GAP43: variants seen among roughly 807,000 people sequenced by gnomAD.
GAP43 encodes growth associated protein 43, also known as neuromodulin.
GAP43 carries 6 observed loss-of-function variants against 18.6 expected under a neutral mutation model. That is an observed-to-expected ratio of 0.32 (90% CI 0.18 to 0.64). GAP43 has a LOEUF of 0.64. Among genes scored for constraint, GAP43 ranks in the 30% least tolerant of loss-of-function variants. The pLI, the probability that GAP43 is intolerant of heterozygous loss-of-function variation, is 0.78. For synonymous variants in GAP43, 115 were observed against 111.4 expected, an observed-to-expected ratio of 1.03 and a Z score of -0.20; for missense variants, 292 against 295.5, an observed-to-expected ratio of 0.99 and a Z score of 0.09.
intron 1 of GAP43, among the ~76,000 whole-genome samples, chr3:115,665,989 A>AGT (rs34314907): frequency 0.075 from 4,632 of 61,508 alleles, 96 homozygotes; most frequent in East Asian, 0.12. Flanking sequence ...TGGCTAAATG[A>AGT]GTGTGTGTGT....
At chr3:115,694,038 C>T (rs977806717) in intron 2 of GAP43, among the ~76,000 whole-genome samples, 2 of 152,066 alleles carry the variant, frequency 1.3e-5, no homozygotes, top group African/African-American at 4.8e-5. Flanking sequence ...GCCCGGTGGG[C>T]TGGCGGAGGG....
In GAP43 at chr3:115,720,888, A is replaced by G. The variant is rs1185037298; in HGVS notation, c.*6A>G. The G allele has an allele frequency of 6.2e-7, 1 of 1,605,206 alleles. No individual in the cohort carries two copies. Among genetic ancestry groups the G allele is most frequent in the South Asian group, 1.1e-5 (1 of 90,814 alleles). On this transcript the variant is annotated 3_prime_UTR_variant, in exon 3 of 3. Transcript: ENST00000305124. ...CTGACCAAGAACATGCCTGAACTCTAAGAAATGGCTTTCCACATCCCCACC... is the reference window on the plus strand; with the variant it reads ...CTGACCAAGAACATGCCTGAACTCTGAGAAATGGCTTTCCACATCCCCACC...
At chr3:115,666,140 G>C (rs1708730276) in intron 1 of GAP43, among the ~76,000 whole-genome samples, 1 of 151,828 alleles carries the variant, frequency 6.6e-6, no homozygotes, top group Non-Finnish European at 1.5e-5. Flanking sequence ...TTGGGGGGTG[G>C]GTAAGTTAGA....
chr3:115,659,759 C>T (rs1708633983), intron 1 of GAP43, among the ~76,000 whole-genome samples: 1 of 152,088 alleles, frequency 6.6e-6, no homozygotes, highest in South Asian at 2.1e-4. Flanking sequence ...CTGCATCTGC[C>T]AGTGATGAGT....
At chr3:115,656,123 T>G (rs1238144304) in intron 1 of GAP43, among the ~76,000 whole-genome samples, 1 of 152,124 alleles carries the variant, frequency 6.6e-6, no homozygotes, top group Non-Finnish European at 1.5e-5. Context: ...CTCACTCTCT[T>G]GGTCTCAGTT....
intron 2 of GAP43, among the ~76,000 whole-genome samples, chr3:115,696,398 C>T (rs908357336): frequency 1.3e-5 from 2 of 151,934 alleles, no homozygotes; most frequent in Admixed American, 1.3e-4. Context: ...TATCCAGAAT[C>T]TCAGCACATC....
At chr3:115,675,536 C>T (rs3732624) in intron 1 of GAP43, among the ~76,000 whole-genome samples, 41,047 of 151,682 alleles carry the variant, frequency 0.27, 6,251 homozygotes, top group East Asian at 0.41. Context: ...TGGAGGTGGG[C>T]GGATCACTGA....
intron 2 of GAP43, among the ~76,000 whole-genome samples, chr3:115,688,796 A>G (rs183809056): frequency 5.3e-5 from 8 of 152,240 alleles, no homozygotes; most frequent in African/African-American, 1.7e-4. Flanking sequence ...GACTACTTGA[A>G]AAACCACTCA....
Position 115,642,456 on chromosome 3 carries a change from T to C in GAP43, c.30+18737T>C, listed in dbSNP as rs1327167050. On this transcript the variant is annotated intron_variant, in intron 1 of 2. Coordinates refer to ENST00000305124, the MANE Select transcript of GAP43 (RefSeq NM_002045.4). The stretch of plus-strand genomic sequence containing the variant: ...CTCTTTACCCTAAATTAGCTCATAG[T>C]ATAGTGTGGTAGACATATGTGTGTC... 2.0e-5 allele frequency among the ~76,000 whole-genome samples: 3 copies of C among 151,916 alleles called. No individual in the cohort carries two copies. The East Asian group carries it at 5.8e-4, about 29-fold the overall frequency.
At chr3:115,698,287 A>ATATTATATATAAT (rs1709247656) in intron 2 of GAP43, among the ~76,000 whole-genome samples, 1 of 37,858 alleles carries the variant, frequency 2.6e-5, no homozygotes, top group African/African-American at 7.9e-5. Flanking sequence ...ATATAAATAT[A>ATATTATATATAAT]ATATATATAT....
chr3:115,631,965 T>C (rs1708265581), intron 1 of GAP43, among the ~76,000 whole-genome samples: 1 of 152,184 alleles, frequency 6.6e-6, no homozygotes, highest in African/African-American at 2.4e-5. Context: ...AGTATCTGTT[T>C]ATTATTTCCT....
chr3:115,636,024 T>C (rs1322414237), intron 1 of GAP43, among the ~76,000 whole-genome samples: 1 of 152,160 alleles, frequency 6.6e-6, no homozygotes, highest in Admixed American at 6.6e-5. Flanking sequence ...TTACCAAAAT[T>C]GTTACTTTTG....
chr3:115,696,162 C>T (rs1279407342), intron 2 of GAP43, among the ~76,000 whole-genome samples: 1 of 152,100 alleles, frequency 6.6e-6, no homozygotes, highest in Non-Finnish European at 1.5e-5. Context: ...TACTCTACAT[C>T]TCAACTTGGA....
In GAP43 at chr3:115,721,439, G is replaced by C. The variant is rs28399413; in HGVS notation, c.*557G>C. On this transcript the variant is annotated 3_prime_UTR_variant, in exon 3 of 3. Coordinates refer to ENST00000305124, the MANE Select transcript of GAP43 (RefSeq NM_002045.4). ...ATTAGCGTAAACTTGCGGCTCTAAG[G>C]CTCCTTTTTCAACCCGAATATTAAT... The C allele has an allele frequency of 4.6e-5, 7 of 152,276 alleles. No individual in the cohort carries two copies. The highest frequency in any genetic ancestry group is 1.7e-4 in the African/African-American group (7 of 41,540). 9.4% of individuals were successfully genotyped at this position (152,276 alleles called of 1,614,324 possible). A position where few individuals can be genotyped will look rare whatever the true frequency, so the allele number is the denominator to read the frequency against.
chr3:115,640,854 A>G (rs1396724645), intron 1 of GAP43, among the ~76,000 whole-genome samples: 1 of 151,740 alleles, frequency 6.6e-6, no homozygotes, highest in Non-Finnish European at 1.5e-5. Context: ...ACCACCTAAC[A>G]ATAAAACTGG....
At chr3:115,708,651 G>A (rs1175642326) in intron 2 of GAP43, among the ~76,000 whole-genome samples, 1 of 152,158 alleles carries the variant, frequency 6.6e-6, no homozygotes, top group Non-Finnish European at 1.5e-5. Context: ...CAAAAGCAAG[G>A]GTACTGGAGT....
chr3:115,718,890 T>A (rs1024442916), intron 2 of GAP43, among the ~76,000 whole-genome samples: 1 of 152,346 alleles, frequency 6.6e-6, no homozygotes. Flanking sequence ...ATGGTGGGTA[T>A]AAATGTTCAG....
chr3:115,666,825 A>G (rs1410922477), intron 1 of GAP43, among the ~76,000 whole-genome samples: 1 of 152,218 alleles, frequency 6.6e-6, no homozygotes, highest in Non-Finnish European at 1.5e-5. Context: ...CAGAAGCTGG[A>G]TGACGCTGGA....
In GAP43 at chr3:115,713,800, T is replaced by A. The variant is rs185866270; in HGVS notation, c.629-6994T>A. Among the ~76,000 whole-genome samples the A allele has an allele frequency of 3.3e-5, 5 of 152,354 alleles. No individual in the cohort carries two copies. The East Asian group carries it at 9.6e-4, about 29-fold the overall frequency. ...TAAATACATGCAGAGATAACTTAGA[T>A]CTTTATTGCTGTCTTAGTGTGGTTT... On this transcript the variant is annotated intron_variant, in intron 2 of 2. Coordinates refer to ENST00000305124, the MANE Select transcript of GAP43 (RefSeq NM_002045.4).
Sources: allele counts gnomAD v4.1 joint callset (sites outside exome capture counted in the v4.1 genomes callset), GRCh38; gene constraint gnomAD v4.1.1; transcripts MANE v1.5; gene names NCBI Gene and HGNC (gene_info 2026-07-23, HGNC 2026-07-21).